The following SATB2 variants were observed in gnomAD, a reference collection of about 807,000 sequenced individuals.
The protein encoded by SATB2 is DNA-binding protein SATB2.
A neutral mutation model predicts 73.4 loss-of-function variants in SATB2; 1 was observed. That is an observed-to-expected ratio of 0.01 (90% confidence interval 0.00 to 0.06). The LOEUF is 0.06. Among genes scored for constraint, SATB2 ranks in the 10% least tolerant of loss-of-function variants. The pLI, the probability that SATB2 is intolerant of heterozygous loss-of-function variation, is 1.00. For synonymous variants in SATB2, 397 were observed against 367.0 expected (o/e 1.08, Z -0.93); for missense variants, 459 against 945.8 (o/e 0.49, Z 6.75).
chr2:199,383,405 G>T (rs1380783375), intron 3 of SATB2, among the ~76,000 whole-genome samples: 1 of 152,170 alleles, frequency 6.6e-6, no homozygotes. Flanking sequence ...CTGCTTCCTT[G>T]CTTCTTTTAC....
In SATB2 at chr2:199,272,446, T is replaced by C; in HGVS notation, c.1967A>G (p.Lys656Arg). 6.2e-7 allele frequency: 1 copy of C among 1,614,182 alleles called. No homozygotes were observed. The highest frequency in any genetic ancestry group is 8.5e-7 in the Non-Finnish European group (1 of 1,180,022). ...CTGGAAGAACTTGATGATGGTGTGT[T>C]TGGGGAGATCCAGCTGAGCCGAAAG... ...HTLSAQLDLP[K>R]HTIIKFFQNQ... The change falls in exon 11 of 11, where the codon AAA becomes AGA. Residue 656 changes from lysine to arginine, a missense_variant. Lys to Arg is a conservative substitution (Grantham distance 26). Transcript: ENST00000417098. The surrounding 1 kb of genome is among the most constrained non-coding windows in gnomAD (Gnocchi z 6.7).
intron 10 of SATB2, among the ~76,000 whole-genome samples, chr2:199,305,672 AG>A (rs977320109): frequency 6.6e-6 from 1 of 152,164 alleles, no homozygotes; most frequent in African/African-American, 2.4e-5. Context: ...TCAATATCAC[AG>A]AAAGCACCAA....
chr2:199,291,691 T>C lies in SATB2; in HGVS notation c.1740+17069A>G, dbSNP rs544848523. 4.5e-3 allele frequency among the ~76,000 whole-genome samples: 692 copies of C among 152,172 alleles called. 1 individual carries two copies. The highest frequency in any genetic ancestry group is 7.8e-3 in the Non-Finnish European group (530 of 67,996). On this transcript the variant is annotated intron_variant, in intron 10 of 10. Transcript: ENST00000417098. ...ACTTTGGGAGGCCGAGGCGGGTGGA[T>C]CACCTGAGGTCAGGAGTTTGAGACC...
At chr2:199,299,003 G>A (rs1177099292) in intron 10 of SATB2, among the ~76,000 whole-genome samples, 1 of 152,136 alleles carries the variant, frequency 6.6e-6, no homozygotes, top group African/African-American at 2.4e-5. Flanking sequence ...AACCTTCCAA[G>A]GACCACAGCT....
upstream of SATB2, chr2:199,467,965 C>A (rs1416114273): frequency 6.6e-6 from 1 of 152,210 alleles, no homozygotes; most frequent in Non-Finnish European, 1.5e-5. Flanking sequence ...ATAATTGATC[C>A]ACTCAGTTTT....
chr2:199,289,577 T>G (rs2105739701), intron 10 of SATB2, among the ~76,000 whole-genome samples: 1 of 151,836 alleles, frequency 6.6e-6, no homozygotes. Flanking sequence ...GTAGGTCGTC[T>G]TCAGAAACTG....
intron 10 of SATB2, among the ~76,000 whole-genome samples, chr2:199,278,528 C>T (rs1017842892): frequency 7.9e-5 from 12 of 152,146 alleles, no homozygotes; most frequent in African/African-American, 2.2e-4. Flanking sequence ...GAGAGCCACA[C>T]GGCCAGAGCA....
At chr2:199,442,713 C>T (rs1396662869) in intron 2 of SATB2, among the ~76,000 whole-genome samples, 1 of 152,046 alleles carries the variant, frequency 6.6e-6, no homozygotes, top group Non-Finnish European at 1.5e-5. Flanking sequence ...CACCACTGCA[C>T]TCCAGCCAGA....
chr2:199,314,320 A>C (rs927539073), intron 9 of SATB2, among the ~76,000 whole-genome samples: 7 of 152,212 alleles, frequency 4.6e-5, no homozygotes, highest in Non-Finnish European at 8.8e-5. Context: ...GCCTAGAGGA[A>C]TGTTTTATGG....
intron 2 of SATB2, among the ~76,000 whole-genome samples, chr2:199,445,053 T>C (rs1415057921): frequency 6.6e-6 from 1 of 152,208 alleles, no homozygotes; most frequent in Non-Finnish European, 1.5e-5. Context: ...ATCTTCAATA[T>C]AATTATGTTT....
At chr2:199,400,567 A>T (rs1233043911) in intron 3 of SATB2, among the ~76,000 whole-genome samples, 1 of 152,204 alleles carries the variant, frequency 6.6e-6, no homozygotes. Flanking sequence ...AAAATGATGA[A>T]ACTATTTGCT....
intron 10 of SATB2, among the ~76,000 whole-genome samples, chr2:199,280,569 G>A (rs1361119058): frequency 6.6e-6 from 1 of 152,132 alleles, no homozygotes; most frequent in African/African-American, 2.4e-5. Flanking sequence ...GAAAGAGAAT[G>A]TGTCCCTGAG....
intron 3 of SATB2, among the ~76,000 whole-genome samples, chr2:199,425,891 A>AT (rs1691311815): frequency 6.6e-6 from 1 of 152,184 alleles, no homozygotes; most frequent in South Asian, 2.1e-4. Flanking sequence ...GCACACACAC[A>AT]TATGTATGAA....
At chr2:199,283,704 G>T (rs1028064867) in intron 10 of SATB2, among the ~76,000 whole-genome samples, 1 of 151,502 alleles carries the variant, frequency 6.6e-6, no homozygotes, top group African/African-American at 2.4e-5. Context: ...CCAGGCAGTT[G>T]TATTTTTCAC....
chr2:199,343,723 A>C (rs1267178818), intron 7 of SATB2, among the ~76,000 whole-genome samples: 1 of 152,228 alleles, frequency 6.6e-6, no homozygotes, highest in Non-Finnish European at 1.5e-5. Flanking sequence ...GAATTTTAAA[A>C]GGAAATACTC....
chr2:199,438,770 T>A (rs16831505), intron 2 of SATB2, among the ~76,000 whole-genome samples: 1 of 152,224 alleles, frequency 6.6e-6, no homozygotes, highest in African/African-American at 2.4e-5. Flanking sequence ...TAGATCATCA[T>A]GTAGTCTAAC....
At chr2:199,379,682 CTTTT>C (rs71015899) in intron 5 of SATB2, among the ~76,000 whole-genome samples, 23 of 108,242 alleles carry the variant, frequency 2.1e-4, no homozygotes, top group East Asian at 1.9e-3. Flanking sequence ...CTTTTCTTTT[CTTTT>C]TTTTTTTTTT....
At chr2:199,323,004 G>C (rs530818679) in intron 9 of SATB2, among the ~76,000 whole-genome samples, 3 of 152,088 alleles carry the variant, frequency 2.0e-5, no homozygotes, top group African/African-American at 7.2e-5. Flanking sequence ...TCTGCATTAG[G>C]TGTTCGCCCT....
intron 2 of SATB2, among the ~76,000 whole-genome samples, chr2:199,448,770 T>C (rs1692038563): frequency 6.6e-6 from 1 of 152,158 alleles, no homozygotes; most frequent in Non-Finnish European, 1.5e-5. Flanking sequence ...TTTTGATAAA[T>C]AGTAGCTTGC....
Sources: allele counts gnomAD v4.1 joint callset (sites outside exome capture counted in the v4.1 genomes callset), GRCh38; gene constraint gnomAD v4.1.1; non-coding constraint Gnocchi (gnomAD v3.1); transcripts MANE v1.5; gene names NCBI Gene and HGNC (gene_info 2026-07-23, HGNC 2026-07-21).